TDP1: variants seen among roughly 807,000 people sequenced by gnomAD.
TDP1 encodes the protein tyrosyl-DNA phosphodiesterase 1, also known as tyr-DNA phosphodiesterase 1.
A neutral mutation model predicts 81.5 loss-of-function variants in TDP1; 64 were observed. The ratio of observed to expected loss-of-function variants is 0.79; its 90% CI spans 0.64 to 0.97. The LOEUF is 0.97. Ranked by LOEUF, TDP1 falls within the 50% of genes least tolerant of loss-of-function variation. The pLI is 0.00. For synonymous variants in TDP1, 256 were observed against 264.3 expected (o/e 0.97, Z 0.30); for missense variants, 723 against 743.8 (o/e 0.97, Z 0.33).
intron 10 of TDP1, among the ~76,000 whole-genome samples, chr14:89,985,870 T>C (rs1895500180): frequency 6.6e-6 from 1 of 151,956 alleles, no homozygotes; most frequent in South Asian, 2.1e-4. Flanking sequence ...CTACTAAAAA[T>C]ACAAAAATTA....
At chr14:89,998,421 T>G (rs1464781183) in intron 14 of TDP1, among the ~76,000 whole-genome samples, 1 of 105,750 alleles carries the variant, frequency 9.5e-6, no homozygotes, top group East Asian at 2.3e-4. Flanking sequence ...TATATATATA[T>G]ATGTATGTAT....
intron 16 of TDP1, among the ~76,000 whole-genome samples, chr14:90,035,032 C>T (rs571717640): frequency 6.6e-6 from 1 of 152,102 alleles, no homozygotes; most frequent in Non-Finnish European, 1.5e-5. Flanking sequence ...TCCTCTGTCC[C>T]GCTAACCTTC....
chr14:90,018,772 C>T, intron 14 of TDP1: 1 of 165,222 alleles, frequency 6.1e-6, no homozygotes, highest in South Asian at 2.0e-4. Context: ...AGCCACAACT[C>T]TTTGAACATA....
intron 16 of TDP1, among the ~76,000 whole-genome samples, chr14:90,035,229 C>T (rs1327168951): frequency 6.6e-6 from 1 of 152,222 alleles, no homozygotes; most frequent in Non-Finnish European, 1.5e-5. Flanking sequence ...CTCATGCTGT[C>T]CAGTGTGCCA....
At chr14:90,000,102 G>A (rs557544815) in intron 14 of TDP1, among the ~76,000 whole-genome samples, 1 of 152,186 alleles carries the variant, frequency 6.6e-6, no homozygotes, top group East Asian at 1.9e-4. Flanking sequence ...TAAGCCTGAC[G>A]TTCCTGCTTT....
At chr14:90,037,256 A>G (rs1887910814) in intron 16 of TDP1, among the ~76,000 whole-genome samples, 1 of 152,198 alleles carries the variant, frequency 6.6e-6, no homozygotes, top group African/African-American at 2.4e-5. Context: ...TTCCAAGGGC[A>G]TCTGTTTTGC....
chr14:90,021,624 G>A (rs1886099477), intron 15 of TDP1, among the ~76,000 whole-genome samples: 3 of 152,172 alleles, frequency 2.0e-5, no homozygotes. Flanking sequence ...TAGAGAAAAA[G>A]AAATAATCAT....
chr14:90,043,873 C>T lies in TDP1; in HGVS notation c.*730C>T, dbSNP rs1057296882. On this transcript the variant is annotated 3_prime_UTR_variant, in exon 17 of 17. Transcript: ENST00000335725. ...ATCCAGAAAGGCACCCTTCATTCCACCAGAACTTTACCCAGGAAGAACACG... is the reference window on the plus strand; with the variant it reads ...ATCCAGAAAGGCACCCTTCATTCCATCAGAACTTTACCCAGGAAGAACACG... 9.8e-5 allele frequency: 15 copies of T among 152,302 alleles called. No homozygotes were observed. Among genetic ancestry groups the T allele is most frequent in the Non-Finnish European group, 2.1e-4 (14 of 68,140 alleles). The allele number at this position is 152,302 out of a possible 1,614,324, so 9.4% of individuals were successfully genotyped here.
At chr14:89,957,967 A>G (rs1293737712) in intron 2 of TDP1, among the ~76,000 whole-genome samples, 5 of 152,240 alleles carry the variant, frequency 3.3e-5, no homozygotes, top group Non-Finnish European at 7.4e-5. Flanking sequence ...CGTGGCCACT[A>G]TGACTGCATG....
At chr14:90,007,047 G>T (rs1343217702) in intron 14 of TDP1, among the ~76,000 whole-genome samples, 1 of 152,020 alleles carries the variant, frequency 6.6e-6, no homozygotes, top group East Asian at 1.9e-4. Flanking sequence ...TTCAAAATTA[G>T]TCATTGTCAT....
intron 15 of TDP1, chr14:90,022,699 A>T (rs1051871754): frequency 2.2e-5 from 21 of 969,766 alleles, no homozygotes; most frequent in Non-Finnish European, 2.5e-5. Context: ...TAAAGTGCTT[A>T]TATCACAACA....
intron 7 of TDP1, among the ~76,000 whole-genome samples, chr14:89,979,410 A>C (rs1451921394): frequency 6.6e-6 from 1 of 151,838 alleles, no homozygotes; most frequent in African/African-American, 2.4e-5. Flanking sequence ...CCCAGCTTCA[A>C]CTGATTCACC....
intron 14 of TDP1, among the ~76,000 whole-genome samples, chr14:90,014,298 T>C (rs1461752177): frequency 5.9e-5 from 9 of 152,218 alleles, no homozygotes; most frequent in Admixed American, 5.2e-4. Flanking sequence ...TATCTTTACA[T>C]ATCACTTGTG....
rs192429961 is a variant in TDP1, at chr14:89,976,568, G to A, written c.791+753G>A. On this transcript the variant is annotated intron_variant, in intron 7 of 16. Transcript: ENST00000335725. ...TTTTTTTTTTTTTAGACAGAGTCTC[G>A]CTCTGTTGCCCAGCCTGGAGTGCAG... 2.4e-3 allele frequency among the ~76,000 whole-genome samples: 260 copies of A among 106,322 alleles called. 1 individual carries two copies. Among genetic ancestry groups the A allele is most frequent in the African/African-American group, 9.7e-3 (251 of 25,868 alleles). The allele number at this position is 106,322 out of a possible 152,430, so 69.8% of individuals were successfully genotyped here.
At chr14:89,987,334 T>C (rs1895678244) in intron 10 of TDP1, among the ~76,000 whole-genome samples, 1 of 152,178 alleles carries the variant, frequency 6.6e-6, no homozygotes, top group Non-Finnish European at 1.5e-5. Context: ...TATGCTGTCT[T>C]CCTGGAGATG....
Position 89,984,583 on chromosome 14 carries a change from C to G in TDP1, c.952C>G (p.His318Asp). 1 of 1,614,142 alleles carries G rather than the reference C, an allele frequency of 6.2e-7. No homozygotes were observed. The highest frequency in any genetic ancestry group is 8.5e-7 in the Non-Finnish European group (1 of 1,180,022). The change falls in exon 9 of 17, where the codon CAT becomes GAT. Residue 318 changes from histidine to aspartate, a missense_variant. Physicochemically the swap from His to Asp is moderately conservative, Grantham distance 81. Transcript: ENST00000335725. The stretch of plus-strand genomic sequence containing the variant: ...CCACAAATCTGGAGAGTCGCCAACA[C>G]ATTTTAAAGCTGATCTCATCAGTTA... ...GTHKSGESPTHFKADLISYLM... is the reference protein window; with the variant it reads ...GTHKSGESPTDFKADLISYLM...
intron 6 of TDP1, among the ~76,000 whole-genome samples, 185 bp downstream of exon 6, chr14:89,971,456 G>A (rs1383281891): frequency 1.3e-5 from 2 of 152,168 alleles, no homozygotes; most frequent in Non-Finnish European, 2.9e-5. Flanking sequence ...ACTCCTCAGG[G>A]TTGGAAAGGT....
At chr14:89,956,207 G>C (rs908417734) in intron 1 of TDP1, 5 of 152,400 alleles carry the variant, frequency 3.3e-5, no homozygotes, top group African/African-American at 1.2e-4. Flanking sequence ...GCGCTGCGGA[G>C]ACCTGTGTCC....
chr14:89,982,193 T>C (rs1895053339), intron 8 of TDP1, among the ~76,000 whole-genome samples: 1 of 152,196 alleles, frequency 6.6e-6, no homozygotes, highest in South Asian at 2.1e-4. Context: ...CTGGTCGCTT[T>C]TCTATAAACA....
Sources: gnomAD v4.1 joint callset for allele counts (sites outside exome capture counted in the v4.1 genomes callset) on GRCh38, gnomAD v4.1.1 for gene constraint, MANE v1.5 for transcripts, NCBI Gene and HGNC (gene_info 2026-07-23, HGNC 2026-07-21) for gene names.